ATRNL1: variants seen among roughly 807,000 people sequenced by gnomAD.
ATRNL1 encodes the protein attractin like 1, also known as attractin-like protein 1.
A neutral mutation model predicts 182.7 loss-of-function variants in ATRNL1; 95 were observed. That is an observed-to-expected ratio of 0.52 (90% CI 0.44 to 0.62). The LOEUF (loss-of-function observed/expected upper bound fraction) is 0.62. Ranked by LOEUF, ATRNL1 falls within the 20% of genes least tolerant of loss-of-function variation. The probability of loss-of-function intolerance (pLI) is 0.00; values close to 1 mark genes in which losing one functional copy is unlikely to be tolerated. For missense variants in ATRNL1, 1,471 were observed against 1,679.5 expected (o/e 0.88, Z 2.17); for synonymous variants, 576 against 568.3 (o/e 1.01, Z -0.19).
At chr10:115,416,914 G>A (rs1554960973) in intron 20 of ATRNL1, among the ~76,000 whole-genome samples, 1 of 152,164 alleles carries the variant, frequency 6.6e-6, no homozygotes, top group East Asian at 1.9e-4. Context: ...AGTGATACCA[G>A]CAAGATGGCA....
At chr10:115,519,489 T>C (rs1554984696) in intron 25 of ATRNL1, among the ~76,000 whole-genome samples, 165 bp downstream of exon 25, 1 of 152,130 alleles carries the variant, frequency 6.6e-6, no homozygotes, top group Non-Finnish European at 1.5e-5. Context: ...AGAGGTAACA[T>C]AGCTGAAATG....
At chr10:115,674,510 A>T (rs1165846114) in intron 26 of ATRNL1, among the ~76,000 whole-genome samples, 3 of 152,080 alleles carry the variant, frequency 2.0e-5, no homozygotes, top group Non-Finnish European at 4.4e-5. Context: ...GATTTATTAC[A>T]CTTACTGAGT....
At chr10:115,706,809 C>T (rs373355387) in intron 26 of ATRNL1, among the ~76,000 whole-genome samples, 7 of 151,958 alleles carry the variant, frequency 4.6e-5, no homozygotes, top group African/African-American at 1.4e-4. Flanking sequence ...CACACTAGAT[C>T]ATTTTTTATG....
At chr10:115,622,519 C>G (rs908598984) in intron 26 of ATRNL1, among the ~76,000 whole-genome samples, 2 of 152,142 alleles carry the variant, frequency 1.3e-5, no homozygotes, top group Non-Finnish European at 2.9e-5. Flanking sequence ...CCATCTTTAT[C>G]TATGTTTTGT....
At chr10:115,446,836 AAATT>A (rs1289964324) in intron 21 of ATRNL1, among the ~76,000 whole-genome samples, 4 of 151,990 alleles carry the variant, frequency 2.6e-5, no homozygotes, top group African/African-American at 9.6e-5. Context: ...TAAAATTGGG[AAATT>A]AATTGTGGAT....
chr10:115,438,390 A>G (rs17796265), intron 21 of ATRNL1, among the ~76,000 whole-genome samples: 2,418 of 151,992 alleles, frequency 0.016, 28 homozygotes, highest in Non-Finnish European at 0.022. Flanking sequence ...AATATTCACT[A>G]CTTGCTCTTC....
chr10:115,438,444 TTC>T (rs1231558438), intron 21 of ATRNL1, among the ~76,000 whole-genome samples: 7 of 152,120 alleles, frequency 4.6e-5, no homozygotes, highest in Middle Eastern at 3.4e-3. Flanking sequence ...TCTTCTTAGT[TTC>T]TCTTTCAAAA....
intron 26 of ATRNL1, among the ~76,000 whole-genome samples, chr10:115,639,823 C>T (rs1226773501): frequency 6.6e-6 from 1 of 151,170 alleles, no homozygotes; most frequent in Admixed American, 6.6e-5. Context: ...TTTGATTATA[C>T]TTTAAGTTCT....
At chr10:115,849,755 A>G (rs1471438946) in intron 28 of ATRNL1, among the ~76,000 whole-genome samples, 3 of 152,164 alleles carry the variant, frequency 2.0e-5, no homozygotes, top group African/African-American at 7.2e-5. Context: ...CACTCAAGGA[A>G]TAATTGGGGA....
intron 17 of ATRNL1, among the ~76,000 whole-genome samples, chr10:115,313,606 A>G (rs570459130): frequency 6.6e-6 from 1 of 152,310 alleles, no homozygotes; most frequent in South Asian, 2.1e-4. Context: ...CACTGGGTTG[A>G]ACAATTCAGA....
intron 26 of ATRNL1, among the ~76,000 whole-genome samples, chr10:115,616,883 G>A (rs2133792868): frequency 6.6e-6 from 1 of 152,340 alleles, no homozygotes; most frequent in Non-Finnish European, 1.5e-5. Context: ...GCAGGTTAGA[G>A]CCCTCATGTA....
At chr10:115,917,922 C>A (rs532580687) in intron 28 of ATRNL1, among the ~76,000 whole-genome samples, 174 of 152,112 alleles carry the variant, frequency 1.1e-3, no homozygotes, top group African/African-American at 3.9e-3. Flanking sequence ...ATTGGCTTTT[C>A]TTATGTAAAA....
At chr10:115,323,176 C>G (rs1854672430) in intron 18 of ATRNL1, among the ~76,000 whole-genome samples, 1 of 152,094 alleles carries the variant, frequency 6.6e-6, no homozygotes, top group Non-Finnish European at 1.5e-5. Context: ...TTACTTTTCT[C>G]CATTCCTAGT....
intron 19 of ATRNL1, among the ~76,000 whole-genome samples, chr10:115,343,981 C>T (rs1486924965): frequency 6.6e-6 from 1 of 152,152 alleles, no homozygotes; most frequent in African/African-American, 2.4e-5. Context: ...CCCGAACAAA[C>T]AGAATTCCTC....
rs199981589 is a variant in ATRNL1 at position 115,188,102 on chromosome 10, GGAGA to G, written c.1348+16818_1348+16821del. ...GGGGGAGGGAGAAAGGGAGAGGAAGGGAGAGAGAGAGGGAGAAAGAATTAATGAT... is the reference window on the plus strand; with the variant it reads ...GGGGGAGGGAGAAAGGGAGAGGAAGGGAGAGAGGGAGAAAGAATTAATGAT... On this transcript the variant is annotated intron_variant, in intron 8 of 28. Coordinates refer to ENST00000355044, the MANE Select transcript of ATRNL1 (RefSeq NM_207303.4). 1.5e-4 allele frequency among the ~76,000 whole-genome samples: 22 copies of G among 151,294 alleles called. 1 individual carries two copies. The highest frequency in any genetic ancestry group is 3.9e-4 in the East Asian group (2 of 5,098).
At position 115,095,726 on chromosome 10, in the gene ATRNL1, G is replaced by A. The variant is rs150209992; in HGVS notation, c.293+1683G>A. On this transcript the variant is annotated intron_variant, in intron 1 of 28. Transcript: ENST00000355044. ...TTTTTTTTTGCTTGTGTTCTTAAACGTTTGCTATGACAGTAGAATTCAGCG... is the reference window on the plus strand; with the variant it reads ...TTTTTTTTTGCTTGTGTTCTTAAACATTTGCTATGACAGTAGAATTCAGCG... Among the ~76,000 whole-genome samples the A allele has an allele frequency of 4.5e-3, 681 of 152,068 alleles. 4 individuals are homozygous for A. The highest frequency in any genetic ancestry group is 0.014 in the African/African-American group (591 of 41,488).
chr10:115,860,996 C>G (rs1589616124), intron 28 of ATRNL1, among the ~76,000 whole-genome samples: 1 of 152,102 alleles, frequency 6.6e-6, no homozygotes, highest in Non-Finnish European at 1.5e-5. Context: ...TGGTGACTCT[C>G]AGAATGCTCT....
chr10:115,259,751 C>A (rs139621456), intron 10 of ATRNL1, among the ~76,000 whole-genome samples: 3 of 152,110 alleles, frequency 2.0e-5, no homozygotes, highest in Non-Finnish European at 4.4e-5. Context: ...CATCTTGGAA[C>A]GCCTCTCCAG....
At chr10:115,696,823 A>G (rs1946574490) in intron 26 of ATRNL1, among the ~76,000 whole-genome samples, 1 of 151,694 alleles carries the variant, frequency 6.6e-6, no homozygotes. Flanking sequence ...ACTTATAATC[A>G]TGGCAGAAGG....
Sources: allele counts gnomAD v4.1 joint callset (sites outside exome capture counted in the v4.1 genomes callset), GRCh38; gene constraint gnomAD v4.1.1; transcripts MANE v1.5; gene names NCBI Gene and HGNC (gene_info 2026-07-23, HGNC 2026-07-21).